The following ADCY4 variants were observed in gnomAD, a reference collection of about 807,000 sequenced individuals.
The protein encoded by ADCY4 is adenylate cyclase type 4.
ADCY4 carries 111 observed loss-of-function variants against 125.5 expected under a neutral mutation model. That is an observed-to-expected ratio of 0.88 (90% CI 0.76 to 1.04). The LOEUF is 1.04. Among genes scored for constraint, ADCY4 ranks in the 50% least tolerant of loss-of-function variants. ADCY4 has a pLI of 0.00. For missense variants in ADCY4, 1,256 were observed against 1,382.9 expected (o/e 0.91, Z 1.46); for synonymous variants, 576 against 586.9 (o/e 0.98, Z 0.27).
intron 1 of ADCY4, among the ~76,000 whole-genome samples, chr14:24,334,272 C>A (rs1046449721): frequency 1.7e-4 from 26 of 152,174 alleles, no homozygotes; most frequent in African/African-American, 5.5e-4. Context: ...CTGTCAGAAC[C>A]CGGACAGAAA....
intron 4 of ADCY4, 45 bp downstream of exon 4, chr14:24,331,743 C>T: frequency 1.3e-6 from 2 of 1,496,474 alleles, no homozygotes; most frequent in Non-Finnish European, 1.8e-6. Context: ...ATCTAAGCAA[C>T]TCCTCCCTCG....
intron 4 of ADCY4, 95 bp from the exon 5 acceptor site, chr14:24,331,451 A>C (rs1450214262): frequency 6.5e-7 from 1 of 1,542,860 alleles, no homozygotes; most frequent in Non-Finnish European, 8.7e-7. Context: ...TGCCCATCCT[A>C]GGTGCTCCCC....
chr14:24,319,680 G>C lies in ADCY4; in HGVS notation c.2733+62C>G. Reference sequence around the variant, plus strand: ...TGGCCAGAAAAGCAAAGTGGAAGGAGGTACTGGTGGAAAATTCTAGAATCT... The same window carrying C: ...TGGCCAGAAAAGCAAAGTGGAAGGACGTACTGGTGGAAAATTCTAGAATCT... On this transcript the variant is annotated intron_variant, in intron 21 of 24. Transcript: ENST00000418030. The surrounding 1 kb of genome is among the most constrained non-coding windows in gnomAD (Gnocchi z 4.5). 1.2e-6 allele frequency: 2 copies of C among 1,602,758 alleles called. No individual in the cohort carries two copies. The highest frequency in any genetic ancestry group is 1.7e-6 in the Non-Finnish European group (2 of 1,171,688).
chr14:24,326,109 A>C lies in ADCY4; in HGVS notation c.1625T>G (p.Phe542Cys). The C allele has an allele frequency of 6.3e-7, 1 of 1,587,178 alleles. No homozygotes were observed. Among genetic ancestry groups the C allele is most frequent in the Non-Finnish European group, 8.6e-7 (1 of 1,164,456 alleles). The change falls in exon 12 of 25, where the codon TTC (phenylalanine) becomes TGC (cysteine). Residue 542 changes from phenylalanine (F) to cysteine (C), a missense_variant. Phe to Cys is a radical substitution (Grantham distance 205). Transcript: ENST00000418030. ...DELDTGDAKF[F>C]QVIEQLNSQK... ...CGAGTTGAGCTGCTCAATGACCTGG[A>C]AGAACTTGGCATCCCCGGTGTCCAG...
In ADCY4 at chr14:24,331,282, CTGCAGCCG is replaced by C; in HGVS notation, c.736_743del (p.Arg246GlyfsTer11). 1 of 1,614,192 alleles carries C rather than the reference CTGCAGCCG, an allele frequency of 6.2e-7. No individual in the cohort carries two copies. The highest frequency in any genetic ancestry group is 8.5e-7 in the Non-Finnish European group (1 of 1,180,036). On this transcript the variant is annotated frameshift_variant, in exon 5 of 25. Transcript: ENST00000418030. LOFTEE classifies it high-confidence loss of function. ...TCTCTGGCCGTGACCCCTGTCCTGC[CTGCAGCCG>C]TGCCATGATCTCTGCCTTCATCTCT...
chr14:24,331,181 C>T (rs2042035137), intron 5 of ADCY4, 27 bp downstream of exon 5: 2 of 1,613,886 alleles, frequency 1.2e-6, no homozygotes, highest in African/African-American at 2.7e-5. Context: ...CCACAGGCCC[C>T]TCCCCTCCAG....
Position 24,325,439 on chromosome 14 carries a change from A to C in ADCY4, c.1761T>G (p.Tyr587Ter). Residue 587 changes from tyrosine to a stop codon, truncating the protein, a stop_gained, in exon 14 of 25, where the codon TAT becomes TAG. Transcript: ENST00000418030. LOFTEE classifies it high-confidence loss of function. ...GAAAAACCAGGAAGGTGCAGGCTTCATAGTATTTGAAGGCGGGGATTGCAG... is the reference window on the plus strand; with the variant it reads ...GAAAAACCAGGAAGGTGCAGGCTTCCTAGTATTTGAAGGCGGGGATTGCAG... ...RLSAIPAFKY[Y>*]EACTFLVFLS... 1.2e-6 allele frequency: 2 copies of C among 1,613,832 alleles called. No homozygotes were observed. The highest frequency in any genetic ancestry group is 4.5e-5 in the East Asian group (2 of 44,874).
chr14:24,322,571 A>G, intron 19 of ADCY4, 53 bp downstream of exon 19: 1 of 1,570,060 alleles, frequency 6.4e-7, no homozygotes, highest in Non-Finnish European at 8.8e-7. Flanking sequence ...CAAGTCACAG[A>G]TATGGGGGCC....
chr14:24,323,262 G>T lies in ADCY4; in HGVS notation c.2157+82C>A, dbSNP rs865998256. 67 of 1,435,252 alleles carry T rather than the reference G, an allele frequency of 4.7e-5. 1 individual carries two copies. In the African/African-American group the frequency reaches 7.5e-4, roughly 16 times the overall value. 88.9% of individuals were successfully genotyped at this position (1,435,252 alleles called of 1,614,324 possible). ...TGTCTGTTCTAATCCACAGAATGGA[G>T]CGTTCCTCCACTCAGGGGGCTGTGG... is the stretch of plus-strand genomic sequence containing the variant. On this transcript the variant is annotated intron_variant, in intron 17 of 24. Transcript: ENST00000418030.
intron 14 of ADCY4, 39 bp downstream of exon 14, chr14:24,325,338 T>A: frequency 6.4e-7 from 1 of 1,570,570 alleles, no homozygotes; most frequent in Non-Finnish European, 8.8e-7. Context: ...GTGATCCGCT[T>A]ATGACAGCCA....
Position 24,319,320 on chromosome 14 carries a change from T to C in ADCY4, c.2841+9A>G. 6.2e-7 allele frequency: 1 copy of C among 1,613,504 alleles called. No homozygotes were observed. The highest frequency in any genetic ancestry group is 8.5e-7 in the Non-Finnish European group (1 of 1,179,504). ...GAGGAGGATGGTAGGTAAGGAAGGG[T>C]TGCCGTACCTGTTGTGCATCCTGTC... On this transcript the variant is annotated intron_variant, in intron 22 of 24. Coordinates refer to ENST00000418030, the MANE Select transcript of ADCY4 (RefSeq NM_001198568.2). The surrounding 1 kb of genome is among the most constrained non-coding windows in gnomAD (Gnocchi z 4.5).
At chr14:24,331,440 C>G in intron 4 of ADCY4, 84 bp from the exon 5 acceptor site, 1 of 1,568,912 alleles carries the variant, frequency 6.4e-7, no homozygotes, top group Admixed American at 1.7e-5. Flanking sequence ...GGAGCCCACA[C>G]TGCCCATCCT....
chr14:24,332,710 G>A, intron 2 of ADCY4, 27 bp from the exon 3 acceptor site: 1 of 1,571,076 alleles, frequency 6.4e-7, no homozygotes, highest in Non-Finnish European at 8.6e-7. Context: ...GGAAGCCGAA[G>A]GCCCAAGTGG....
At chr14:24,329,645 G>A in intron 8 of ADCY4, 112 bp from the exon 9 acceptor site, 4 of 1,443,638 alleles carry the variant, frequency 2.8e-6, no homozygotes, top group Non-Finnish European at 3.7e-6. Flanking sequence ...GTCTTTTAAA[G>A]ATCGTTCCTG....
intron 23 of ADCY4, 102 bp downstream of exon 23, chr14:24,318,996 G>A: frequency 1.4e-6 from 2 of 1,476,974 alleles, no homozygotes; most frequent in South Asian, 1.2e-5. Flanking sequence ...TCAGGAAAGG[G>A]GCTTCAGGAT....
intron 16 of ADCY4, 41 bp downstream of exon 16, chr14:24,324,021 C>T: frequency 6.2e-7 from 1 of 1,602,336 alleles, no homozygotes; most frequent in Non-Finnish European, 8.5e-7. Flanking sequence ...GCAGGTCCAA[C>T]ATGCCCTCAT....
Position 24,332,783 on chromosome 14 carries a change from C to T in ADCY4, c.357+8G>A, listed in dbSNP as rs1426191116. The T allele has an allele frequency of 1.9e-6, 3 of 1,544,260 alleles. No homozygotes were observed. The highest frequency in any genetic ancestry group is 1.8e-6 in the Non-Finnish European group (2 of 1,140,658). ...CGTCCCCGCTGCCCCGCCTGCCGCC[C>T]CTCTCACCTGGTCCCAGGCGCTCAC... On this transcript the variant is annotated splice_region_variant and intron_variant, in intron 2 of 24. Coordinates refer to ENST00000418030, the MANE Select transcript of ADCY4 (RefSeq NM_001198568.2).
intron 17 of ADCY4, 67 bp from the exon 18 acceptor site, chr14:24,323,155 CCCTT>C: frequency 6.5e-7 from 1 of 1,541,656 alleles, no homozygotes; most frequent in Non-Finnish European, 8.8e-7. Flanking sequence ...CCTGAGGGCT[CCCTT>C]CCTGTCCCTC....
At chr14:24,332,236 A>G in intron 3 of ADCY4, 1 of 445,616 alleles carries the variant, frequency 2.2e-6, no homozygotes, top group Non-Finnish European at 3.8e-6. Context: ...ATCGCACAAA[A>G]CTTTTTTTTT....
Sources: allele counts gnomAD v4.1 joint callset (sites outside exome capture counted in the v4.1 genomes callset), GRCh38; gene constraint gnomAD v4.1.1; non-coding constraint Gnocchi (gnomAD v3.1); transcripts MANE v1.5; gene names NCBI Gene and HGNC (gene_info 2026-07-23, HGNC 2026-07-21).